Variants in PCDH9 observed in about 807,000 individuals in gnomAD.
PCDH9 encodes the protein protocadherin-9.
In PCDH9, 24 loss-of-function variants were observed where a neutral mutation model predicts 70.6. That is an observed-to-expected ratio of 0.34 (90% CI 0.25 to 0.48). PCDH9 has a LOEUF of 0.48. PCDH9 is among the 20% of genes least tolerant of loss of function. The pLI is 0.99. For synonymous variants in PCDH9, 562 were observed against 558.5 expected (o/e 1.01, Z -0.09); for missense variants, 1,281 against 1,503.6 (o/e 0.85, Z 2.45).
chr13:67,169,983 C>A (rs961596871), intron 2 of PCDH9, among the ~76,000 whole-genome samples: 1 of 152,066 alleles, frequency 6.6e-6, no homozygotes, highest in African/African-American at 2.4e-5. Context: ...GTAGAGCATC[C>A]GATTATAATC....
At chr13:66,387,637 C>T (rs1956951717) in intron 4 of PCDH9, among the ~76,000 whole-genome samples, 1 of 151,810 alleles carries the variant, frequency 6.6e-6, no homozygotes, top group South Asian at 2.1e-4. Context: ...CTGTTGCCTT[C>T]GCCTTCTGTC....
At chr13:67,149,082 C>T (rs1186174620) in intron 2 of PCDH9, among the ~76,000 whole-genome samples, 2 of 152,180 alleles carry the variant, frequency 1.3e-5, no homozygotes, top group African/African-American at 4.8e-5. Flanking sequence ...CTCTAACCTA[C>T]TACATGGCAC....
At chr13:66,477,912 G>A (rs1224757378) in intron 4 of PCDH9, among the ~76,000 whole-genome samples, 3 of 152,134 alleles carry the variant, frequency 2.0e-5, no homozygotes, top group Non-Finnish European at 4.4e-5. Flanking sequence ...ACCAAGGCAT[G>A]ATTATGAGTA....
chr13:66,699,144 C>T (rs1264639917), intron 3 of PCDH9, among the ~76,000 whole-genome samples: 2 of 152,090 alleles, frequency 1.3e-5, no homozygotes, highest in East Asian at 1.9e-4. Context: ...GAACTCCTGA[C>T]CTTAAGTGAT....
intron 2 of PCDH9, among the ~76,000 whole-genome samples, chr13:67,182,675 C>T (rs1313293401): frequency 6.6e-6 from 1 of 152,114 alleles, no homozygotes; most frequent in African/African-American, 2.4e-5. Flanking sequence ...GAAAAATTTA[C>T]ACTGACAGTA....
At chr13:66,979,262 T>A (rs1383427195) in intron 2 of PCDH9, among the ~76,000 whole-genome samples, 2 of 152,144 alleles carry the variant, frequency 1.3e-5, no homozygotes, top group African/African-American at 4.8e-5. Flanking sequence ...AATTATGTTT[T>A]TCCATTACTT....
chr13:66,966,785 A>G (rs1275341428), intron 2 of PCDH9, among the ~76,000 whole-genome samples: 1 of 152,032 alleles, frequency 6.6e-6, no homozygotes, highest in Non-Finnish European at 1.5e-5. Context: ...CATCCAATAG[A>G]ATATTAAAAA....
At chr13:66,842,767 A>G (rs1278322930) in intron 3 of PCDH9, among the ~76,000 whole-genome samples, 1 of 152,182 alleles carries the variant, frequency 6.6e-6, no homozygotes, top group Non-Finnish European at 1.5e-5. Flanking sequence ...AATATTATAA[A>G]ACTATTCCAA....
intron 2 of PCDH9, among the ~76,000 whole-genome samples, chr13:67,140,034 CCCCCG>C (rs1190734473): frequency 3.7e-4 from 46 of 125,996 alleles, no homozygotes; most frequent in African/African-American, 1.3e-3. Context: ...CACCCCCCCC[CCCCCG>C]CCCATTGTGT....
At chr13:67,116,485 T>A (rs1288087362) in intron 2 of PCDH9, among the ~76,000 whole-genome samples, 1 of 152,180 alleles carries the variant, frequency 6.6e-6, no homozygotes, top group African/African-American at 2.4e-5. Context: ...TTGAAATATC[T>A]GCTAAATTAA....
chr13:67,013,263 TAA>T (rs2084488354), intron 2 of PCDH9, among the ~76,000 whole-genome samples: 1 of 62,846 alleles, frequency 1.6e-5, no homozygotes, highest in Non-Finnish European at 3.6e-5. Context: ...TTTTTTAATG[TAA>T]CACACACACA....
rs116868853 is a variant in PCDH9, at chr13:66,637,439, C to T, written c.3139-6028G>A. On this transcript the variant is annotated intron_variant, in intron 3 of 4. Transcript: ENST00000377865. ...AGTTTTGACAGATAAAATTATAAAGCACTTTTCTAGTGGTAATAAATAAAA... is the reference window on the plus strand; with the variant it reads ...AGTTTTGACAGATAAAATTATAAAGTACTTTTCTAGTGGTAATAAATAAAA... Among the ~76,000 whole-genome samples, 959 of 152,160 alleles carry T rather than the reference C, an allele frequency of 6.3e-3. 5 individuals are homozygous for T. The highest frequency in any genetic ancestry group is 9.8e-3 in the Non-Finnish European group (667 of 67,988).
At chr13:66,452,345 GC>G (rs1376303381) in intron 4 of PCDH9, among the ~76,000 whole-genome samples, 1 of 152,086 alleles carries the variant, frequency 6.6e-6, no homozygotes, top group Non-Finnish European at 1.5e-5. Flanking sequence ...TAATAAACAT[GC>G]CCCTCCAAAC....
intron 3 of PCDH9, among the ~76,000 whole-genome samples, chr13:66,631,957 G>C (rs547289848): frequency 1.3e-5 from 2 of 152,094 alleles, no homozygotes; most frequent in Non-Finnish European, 2.9e-5. Context: ...GCAATGGCGC[G>C]ATCTTGGCTC....
At chr13:66,669,435 T>C (rs564578753) in intron 3 of PCDH9, among the ~76,000 whole-genome samples, 19 of 152,176 alleles carry the variant, frequency 1.2e-4, no homozygotes, top group South Asian at 1.2e-3. Flanking sequence ...TATCTTTTTT[T>C]TGTTGTTGTT....
chr13:66,837,587 G>A lies in PCDH9; in HGVS notation c.3138+65917C>T, dbSNP rs560193495. On this transcript the variant is annotated intron_variant, in intron 3 of 4. Coordinates refer to ENST00000377865, the MANE Select transcript of PCDH9 (RefSeq NM_203487.3). ...TTTCTGCTTCCCTTCTCTAAATTAA[G>A]TAACGAGGAAGGGAAGGAGGAGAAC... Among the ~76,000 whole-genome samples the A allele has an allele frequency of 1.7e-4, 26 of 152,152 alleles. No homozygotes were observed. The East Asian group carries it at 3.3e-3, about 19-fold the overall frequency.
intron 4 of PCDH9, among the ~76,000 whole-genome samples, chr13:66,451,549 T>C (rs1958210361): frequency 6.6e-6 from 1 of 152,226 alleles, no homozygotes; most frequent in Non-Finnish European, 1.5e-5. Flanking sequence ...AAATAAGTCC[T>C]TTCAGTAATT....
chr13:67,115,008 A>G (rs1418916959), intron 2 of PCDH9, among the ~76,000 whole-genome samples: 4 of 151,954 alleles, frequency 2.6e-5, no homozygotes, highest in Admixed American at 2.0e-4. Context: ...CTTTGTCAAG[A>G]TTTTTTTTAT....
chr13:66,502,375 C>T (rs1245012984), intron 4 of PCDH9, among the ~76,000 whole-genome samples: 1 of 151,972 alleles, frequency 6.6e-6, no homozygotes, highest in Non-Finnish European at 1.5e-5. Context: ...AGAGCTGTTC[C>T]ATATAATAGA....
Sources: gnomAD v4.1 joint callset for allele counts (sites outside exome capture counted in the v4.1 genomes callset) on GRCh38, gnomAD v4.1.1 for gene constraint, MANE v1.5 for transcripts, NCBI Gene and HGNC (gene_info 2026-07-23, HGNC 2026-07-21) for gene names.